KIFBP: variants seen among roughly 807,000 people sequenced by gnomAD.
The protein encoded by KIFBP is kinesin family binding protein.
In KIFBP, 46 loss-of-function variants were observed where a neutral mutation model predicts 58.9. The observed-to-expected ratio is 0.78, with a 90% CI of 0.62 to 1.00. The LOEUF is 1.00. Ranked by LOEUF, KIFBP falls within the 50% of genes least tolerant of loss-of-function variation. The probability of loss-of-function intolerance (pLI) is 0.00; values close to 1 mark genes in which losing one functional copy is unlikely to be tolerated. For missense variants in KIFBP, 651 were observed against 752.9 expected (o/e 0.86, Z 1.58); for synonymous variants, 241 against 283.4 (o/e 0.85, Z 1.50).
chr10:68,992,062 C>T (rs1364620139), intron 1 of KIFBP, among the ~76,000 whole-genome samples: 2 of 151,940 alleles, frequency 1.3e-5, no homozygotes, highest in Non-Finnish European at 2.9e-5. Flanking sequence ...GGCACCTTCA[C>T]AGCTCATTGC....
Position 68,998,845 on chromosome 10 carries a change from G to A in KIFBP, c.427-1579G>A, listed in dbSNP as rs755673036. ...GGCTGGAGTGCAGTGGCACGATCTC[G>A]GCTCACTGTAACCTCCACCTCCTGG... On this transcript the variant is annotated intron_variant, in intron 1 of 6. Coordinates refer to ENST00000361983, the MANE Select transcript of KIFBP (RefSeq NM_015634.4). Among the ~76,000 whole-genome samples, 349 of 140,268 alleles carry A rather than the reference G, an allele frequency of 2.5e-3. 9 individuals are homozygous for A. Among genetic ancestry groups the A allele is most frequent in the Non-Finnish European group, 7.2e-4 (48 of 66,290 alleles). 92.0% of individuals were successfully genotyped at this position (140,268 alleles called of 152,430 possible). A position where few individuals can be genotyped will look rare whatever the true frequency, so the allele number is the denominator to read the frequency against.
intron 5 of KIFBP, among the ~76,000 whole-genome samples, chr10:69,010,443 A>T (rs1281802028): frequency 6.6e-6 from 1 of 152,214 alleles, no homozygotes; most frequent in Non-Finnish European, 1.5e-5. Context: ...TACAGCAAGA[A>T]AGCTGCTCTG....
At chr10:69,003,282 G>A (rs1843491811) in intron 2 of KIFBP, among the ~76,000 whole-genome samples, 1 of 152,110 alleles carries the variant, frequency 6.6e-6, no homozygotes, top group African/African-American at 2.4e-5. Flanking sequence ...GGTAAGCATG[G>A]TAAGCAGCCC....
At chr10:69,003,294 C>A (rs540432108) in intron 2 of KIFBP, among the ~76,000 whole-genome samples, 3 of 152,246 alleles carry the variant, frequency 2.0e-5, no homozygotes, top group African/African-American at 7.2e-5. Flanking sequence ...AAGCAGCCCT[C>A]GGAATTGTTG....
At chr10:69,005,980 T>C in intron 4 of KIFBP, 65 bp downstream of exon 4, 1 of 1,402,594 alleles carries the variant, frequency 7.1e-7, no homozygotes, top group Non-Finnish European at 1.0e-6. Context: ...GAACCAGTAG[T>C]ACCTTGAAAA....
In KIFBP at chr10:69,008,857, C is replaced by G. The variant is rs1364436073; in HGVS notation, c.806C>G (p.Ala269Gly). The G allele has an allele frequency of 1.2e-6, 2 of 1,613,274 alleles. No individual in the cohort carries two copies. The highest frequency in any genetic ancestry group is 8.5e-7 in the Non-Finnish European group (1 of 1,179,486). The change falls in exon 5 of 7, where the codon GCC becomes GGC. Residue 269 changes from alanine to glycine, a missense_variant. Ala to Gly is a moderately conservative substitution (Grantham distance 60). Transcript: ENST00000361983. Reference protein sequence around the residue: ...FYINKLCFMEARHCLSAANVI... With the variant: ...FYINKLCFMEGRHCLSAANVI... Reference sequence around the variant, plus strand: ...CCCCAATAGCTATGCTTTATGGAGGCCAGGCACTGTTTATCAGCTGCTAAT... The same window carrying G: ...CCCCAATAGCTATGCTTTATGGAGGGCAGGCACTGTTTATCAGCTGCTAAT...
chr10:69,008,218 G>A (rs1843553824), intron 4 of KIFBP, among the ~76,000 whole-genome samples: 1 of 151,106 alleles, frequency 6.6e-6, no homozygotes, highest in Non-Finnish European at 1.5e-5. Flanking sequence ...CAGGCCAGGA[G>A]TTGGAGACCT....
chr10:69,006,243 CTTT>C (rs552108621), intron 4 of KIFBP, among the ~76,000 whole-genome samples: 153 of 152,206 alleles, frequency 1.0e-3, no homozygotes, highest in Non-Finnish European at 1.7e-3. Flanking sequence ...GTAGATATAG[CTTT>C]ATCTTTACGT....
chr10:69,015,283 A>C (rs1344795143), intron 6 of KIFBP: 1 of 419,918 alleles, frequency 2.4e-6, no homozygotes, highest in Non-Finnish European at 4.3e-6. Flanking sequence ...ACTGTAAATA[A>C]ATTTCAGTTC....
In KIFBP at chr10:69,008,826, T is replaced by C; in HGVS notation, c.790-15T>C. The C allele has an allele frequency of 6.2e-7, 1 of 1,602,730 alleles. No homozygotes were observed. The highest frequency in any genetic ancestry group is 8.5e-7 in the Non-Finnish European group (1 of 1,169,694). ...GTGTGATAGTTGCATTCACTGTTGT[T>C]TATTTCCCCAATAGCTATGCTTTAT... On this transcript the variant is annotated splice_polypyrimidine_tract_variant and intron_variant, in intron 4 of 6. Transcript: ENST00000361983.
In KIFBP at chr10:68,989,277, A is replaced by T. The variant is rs1843315049; in HGVS notation, c.426+19A>T. On this transcript the variant is annotated intron_variant, in intron 1 of 6. Coordinates refer to ENST00000361983, the MANE Select transcript of KIFBP (RefSeq NM_015634.4). The stretch of plus-strand genomic sequence containing the variant: ...GGCGCAGGTGAGAGCGAGCCCGGCC[A>T]GGCCGGCCCCTGTTGGCAAATGGCG... 1 of 1,610,904 alleles carries T rather than the reference A, an allele frequency of 6.2e-7. No homozygotes were observed. Among genetic ancestry groups the T allele is most frequent in the Non-Finnish European group, 8.5e-7 (1 of 1,179,502 alleles).
Position 69,011,032 on chromosome 10 carries a change from C to A in KIFBP, c.990+17C>A, listed in dbSNP as rs773323217. On this transcript the variant is annotated intron_variant, in intron 6 of 6. Coordinates refer to ENST00000361983, the MANE Select transcript of KIFBP (RefSeq NM_015634.4). Reference sequence around the variant, plus strand: ...TCCATGCAGGTAATGCAGTCAGAAGCTGCCTTTTTCTTTCTTAAATGAGGA... The same window carrying A: ...TCCATGCAGGTAATGCAGTCAGAAGATGCCTTTTTCTTTCTTAAATGAGGA... 2.6e-6 allele frequency: 4 copies of A among 1,556,460 alleles called. No individual in the cohort carries two copies. In the African/African-American group the frequency reaches 5.4e-5, roughly 21 times the overall value.
At chr10:69,006,468 T>G (rs2132114060) in intron 4 of KIFBP, among the ~76,000 whole-genome samples, 1 of 152,338 alleles carries the variant, frequency 6.6e-6, no homozygotes. Context: ...GTTTTTGAGC[T>G]TCTTAGTTGT....
At chr10:68,991,865 CTTTA>C (rs1843350810) in intron 1 of KIFBP, among the ~76,000 whole-genome samples, 1 of 151,672 alleles carries the variant, frequency 6.6e-6, no homozygotes, top group African/African-American at 2.4e-5. Context: ...TTCTTGAGTA[CTTTA>C]TTTATAACAT....
intron 1 of KIFBP, among the ~76,000 whole-genome samples, chr10:68,997,484 C>T (rs1843418624): frequency 6.6e-6 from 1 of 152,154 alleles, no homozygotes; most frequent in Non-Finnish European, 1.5e-5. Flanking sequence ...AATGTTTGGG[C>T]TTCCCCTTCA....
chr10:68,997,215 G>A (rs933328551), intron 1 of KIFBP, among the ~76,000 whole-genome samples: 1 of 152,098 alleles, frequency 6.6e-6, no homozygotes, highest in Admixed American at 6.6e-5. Context: ...AACTACATAA[G>A]TAATAGAGGC....
intron 1 of KIFBP, among the ~76,000 whole-genome samples, chr10:68,998,775 T>TA (rs1843433463): frequency 2.7e-5 from 2 of 74,384 alleles, no homozygotes; most frequent in Non-Finnish European, 6.1e-5. Context: ...ATATATATTT[T>TA]TTTTTTTTTT....
chr10:69,015,809 T>C lies in KIFBP; in HGVS notation c.1259T>C (p.Ile420Thr), dbSNP rs377298939. ...FQIDGYVTDH[I>T]EVVQDHSALF... ...ATTGATGGTTATGTCACTGACCATA[T>C]TGAAGTTGTCCAAGACCACAGTGCT... Residue 420 changes from isoleucine (I) to threonine (T), a missense_variant, in exon 7 of 7, where the codon ATT (isoleucine) becomes ACT (threonine). Ile to Thr is a moderately conservative substitution (Grantham distance 89). Transcript: ENST00000361983. 1.8e-5 allele frequency: 29 copies of C among 1,614,100 alleles called. No homozygotes were observed. The African/African-American group carries it at 2.0e-4, about 11-fold the overall frequency.
Position 69,005,112 on chromosome 10 carries a change from G to A in KIFBP, c.592G>A (p.Glu198Lys). ...LPEEEKLTEQ[E>K]RSKRFEKVYT... is the part of the protein sequence containing the mutation. ...TGAAGAAGAGAAACTTACTGAACAA[G>A]AGAGATCAAAAAGGTGAGTAGGTAT... The change falls in exon 3 of 7, where the codon GAG becomes AAG. Residue 198 changes from glutamate (E) to lysine (K), a missense_variant. Transcript: ENST00000361983. 1 of 1,611,846 alleles carries A rather than the reference G, an allele frequency of 6.2e-7. No individual in the cohort carries two copies. The highest frequency in any genetic ancestry group is 1.7e-5 in the Admixed American group (1 of 59,994).
Sources: allele counts gnomAD v4.1 joint callset (sites outside exome capture counted in the v4.1 genomes callset), GRCh38; gene constraint gnomAD v4.1.1; transcripts MANE v1.5; gene names NCBI Gene and HGNC (gene_info 2026-07-23, HGNC 2026-07-21).